The following MIPOL1 variants were observed in gnomAD, a reference collection of about 807,000 sequenced individuals.
MIPOL1 encodes the protein mirror-image polydactyly gene 1 protein.
MIPOL1 carries 57 observed loss-of-function variants against 60.9 expected under a neutral mutation model. The ratio of observed to expected loss-of-function variants is 0.94; its 90% CI spans 0.76 to 1.17. The LOEUF (loss-of-function observed/expected upper bound fraction) is 1.17. MIPOL1 is among the 50% of genes most tolerant of loss of function. The pLI is 0.00. For synonymous variants in MIPOL1, 179 were observed against 168.8 expected, an observed-to-expected ratio of 1.06 and a Z score of -0.47; for missense variants, 551 against 511.6, an observed-to-expected ratio of 1.08 and a Z score of -0.74.
chr14:37,229,707 A>T (rs1402613878), intron 1 of MIPOL1, among the ~76,000 whole-genome samples: 1 of 152,196 alleles, frequency 6.6e-6, no homozygotes, highest in East Asian at 1.9e-4. Context: ...GATTGATTTT[A>T]GGGGCTTTTA....
chr14:37,512,077 A>G (rs2095332263), intron 12 of MIPOL1, among the ~76,000 whole-genome samples: 1 of 152,194 alleles, frequency 6.6e-6, no homozygotes, highest in Non-Finnish European at 1.5e-5. Flanking sequence ...AGATCAGGTT[A>G]AAACATTTCA....
chr14:37,288,095 A>G (rs1202643200), intron 7 of MIPOL1, among the ~76,000 whole-genome samples: 1 of 152,150 alleles, frequency 6.6e-6, no homozygotes, highest in Admixed American at 6.6e-5. Context: ...CCTGAAATAC[A>G]CTTCTATTAG....
chr14:37,384,398 A>G (rs2093010351), intron 10 of MIPOL1, among the ~76,000 whole-genome samples: 3 of 151,806 alleles, frequency 2.0e-5, no homozygotes, highest in South Asian at 4.1e-4. Flanking sequence ...AAATATAGCT[A>G]CTGATATAAA....
At chr14:37,421,793 T>C (rs2093877174) in intron 10 of MIPOL1, among the ~76,000 whole-genome samples, 1 of 148,884 alleles carries the variant, frequency 6.7e-6, no homozygotes, top group Admixed American at 6.6e-5. Context: ...ATTACATTGA[T>C]TAATTTTCCT....
intron 12 of MIPOL1, among the ~76,000 whole-genome samples, chr14:37,522,756 A>G (rs2095422530): frequency 6.6e-6 from 1 of 152,170 alleles, no homozygotes; most frequent in Admixed American, 6.5e-5. Context: ...TGTAGTATAA[A>G]TTGTTTGTAC....
intron 10 of MIPOL1, among the ~76,000 whole-genome samples, chr14:37,395,504 A>T (rs2093354976): frequency 6.6e-6 from 1 of 151,870 alleles, no homozygotes. Context: ...TTATTTATTT[A>T]TTTATTTTGC....
intron 6 of MIPOL1, among the ~76,000 whole-genome samples, chr14:37,281,395 T>A (rs1398037434): frequency 6.6e-6 from 1 of 152,132 alleles, no homozygotes; most frequent in Non-Finnish European, 1.5e-5. Flanking sequence ...ATGCTGTTTT[T>A]TTGTTGTTTT....
At position 37,211,697 on chromosome 14, in the gene MIPOL1, G is replaced by A. The variant is rs1048547061; in HGVS notation, c.-199+13593G>A. On this transcript the variant is annotated intron_variant, in intron 1 of 12. Coordinates refer to ENST00000684589, the MANE Select transcript of MIPOL1 (RefSeq NM_001388067.1). ...GTGCTAAACTAGGCCCAGAAACAGT[G>A]GACTGTGGTTGGGGGGCATGTGACA... is the stretch of plus-strand genomic sequence containing the variant. Among the ~76,000 whole-genome samples the A allele has an allele frequency of 5.9e-5, 9 of 152,162 alleles. No homozygotes were observed. The East Asian group carries it at 1.4e-3, about 23-fold the overall frequency.
Position 37,326,412 on chromosome 14 carries a change from G to GT in MIPOL1, c.828+17902dup, listed in dbSNP as rs898926213. 2.4e-4 allele frequency among the ~76,000 whole-genome samples: 36 copies of GT among 151,514 alleles called. 2 individuals are homozygous for GT. Among genetic ancestry groups the GT allele is most frequent in the South Asian group, 1.7e-3 (8 of 4,792 alleles). Reference sequence around the variant, plus strand: ...AAGGCATTCTGTAAGTTCACAGACAGTTTTTTTTTGGCAGAAGCATTGTGT... The same window carrying GT: ...AAGGCATTCTGTAAGTTCACAGACAGTTTTTTTTTTGGCAGAAGCATTGTGT... On this transcript the variant is annotated intron_variant, in intron 9 of 12. Coordinates refer to ENST00000684589, the MANE Select transcript of MIPOL1 (RefSeq NM_001388067.1).
chr14:37,253,706 A>G (rs888933838), intron 3 of MIPOL1, among the ~76,000 whole-genome samples: 2 of 151,672 alleles, frequency 1.3e-5, no homozygotes, highest in South Asian at 2.1e-4. Context: ...TAGGAAGTCT[A>G]TTTTCTTCCA....
chr14:37,469,185 A>C (rs2153587661), intron 11 of MIPOL1, among the ~76,000 whole-genome samples: 1 of 152,316 alleles, frequency 6.6e-6, no homozygotes, highest in East Asian at 1.9e-4. Flanking sequence ...AAGGAGGTTT[A>C]ATTGACTCAC....
At chr14:37,410,788 A>G (rs935068513) in intron 10 of MIPOL1, among the ~76,000 whole-genome samples, 1 of 152,132 alleles carries the variant, frequency 6.6e-6, no homozygotes, top group Non-Finnish European at 1.5e-5. Context: ...ATATCTTGTA[A>G]TTTCTGAGGT....
chr14:37,355,988 T>C (rs1367904189), intron 9 of MIPOL1, among the ~76,000 whole-genome samples: 3 of 144,434 alleles, frequency 2.1e-5, no homozygotes, highest in Non-Finnish European at 4.6e-5. Flanking sequence ...GCGCTCTGCT[T>C]TTTAGAGTTT....
At chr14:37,326,088 G>A (rs1567477802) in intron 9 of MIPOL1, among the ~76,000 whole-genome samples, 1 of 152,104 alleles carries the variant, frequency 6.6e-6, no homozygotes, top group Non-Finnish European at 1.5e-5. Flanking sequence ...TAATTCTTGG[G>A]CCCATGAATC....
At chr14:37,306,167 C>T (rs1304821694) in intron 7 of MIPOL1, among the ~76,000 whole-genome samples, 2 of 151,690 alleles carry the variant, frequency 1.3e-5, no homozygotes, top group Admixed American at 6.6e-5. Context: ...TAATTTAAAA[C>T]GTTTGAACTC....
chr14:37,292,802 G>A (rs1050767518), intron 7 of MIPOL1, among the ~76,000 whole-genome samples: 2 of 151,986 alleles, frequency 1.3e-5, no homozygotes, highest in Admixed American at 1.3e-4. Flanking sequence ...TAATTTTCAG[G>A]CCTGTTTGCC....
In MIPOL1 at chr14:37,409,320, T is replaced by C. The variant is rs112054540; in HGVS notation, c.937-13535T>C. On this transcript the variant is annotated intron_variant, in intron 10 of 12. Coordinates refer to ENST00000684589, the MANE Select transcript of MIPOL1 (RefSeq NM_001388067.1). ...CTATGTATGAAATGCTTAAATGATA[T>C]TTAAATAAATAGAGTATGAACCACA... is the stretch of plus-strand genomic sequence containing the variant. Among the ~76,000 whole-genome samples the C allele has an allele frequency of 4.2e-3, 640 of 152,238 alleles. 5 individuals carry two copies. The highest frequency in any genetic ancestry group is 0.031 in the Middle Eastern group (9 of 294).
intron 12 of MIPOL1, chr14:37,504,435 A>T (rs1479710211): frequency 2.6e-5 from 4 of 152,228 alleles, no homozygotes; most frequent in Non-Finnish European, 5.9e-5. Context: ...TCAAATTAGA[A>T]CTCAGGATTA....
intron 12 of MIPOL1, among the ~76,000 whole-genome samples, chr14:37,540,476 T>C (rs1453724620): frequency 6.6e-6 from 1 of 152,218 alleles, no homozygotes; most frequent in Non-Finnish European, 1.5e-5. Flanking sequence ...TTATAGACTG[T>C]ATATGTATCT....
Sources: gnomAD v4.1 joint callset for allele counts (sites outside exome capture counted in the v4.1 genomes callset) on GRCh38, gnomAD v4.1.1 for gene constraint, MANE v1.5 for transcripts, NCBI Gene and HGNC (gene_info 2026-07-23, HGNC 2026-07-21) for gene names.